The following AGBL1 variants were observed in gnomAD, a reference collection of about 807,000 sequenced individuals.
AGBL1 encodes cytosolic carboxypeptidase 4.
Under a neutral mutation model 118.9 loss-of-function variants are expected in AGBL1, and 130 were observed. The ratio of observed to expected loss-of-function variants is 1.09; its 90% confidence interval spans 0.95 to 1.26. The LOEUF (loss-of-function observed/expected upper bound fraction) is 1.26, where lower values mean the gene tolerates loss of function less well. Ranked by LOEUF, AGBL1 falls within the 50% of genes most tolerant of loss-of-function variation. AGBL1 has a pLI of 0.00. For synonymous variants in AGBL1, 555 were observed against 478.9 expected (o/e 1.16, Z -2.08); for missense variants, 1,584 against 1,298.1 (o/e 1.22, Z -3.38).
intron 22 of AGBL1, among the ~76,000 whole-genome samples, chr15:86,747,533 G>T (rs1039941073): frequency 6.6e-6 from 1 of 152,096 alleles, no homozygotes; most frequent in Admixed American, 6.6e-5. Context: ...CAACGTGCAG[G>T]TTTGTTACAT....
In AGBL1 at chr15:86,158,995, C is replaced by T; in HGVS notation, c.457C>T (p.Pro153Ser). ...AMELLFKVIT[P>S]YTRKRTQAIR... ...GGAACTGCTTTTCAAGGTTATTACT[C>T]CTTACACCCGAAAGCGCACCCAAGC... The change falls in exon 5 of 23, where the codon CCT (proline) becomes TCT (serine). Residue 153 changes from proline to serine, a missense_variant. Transcript: ENST00000614907. 6.2e-7 allele frequency: 1 copy of T among 1,613,348 alleles called. No individual in the cohort carries two copies. The highest frequency in any genetic ancestry group is 8.5e-7 in the Non-Finnish European group (1 of 1,179,424).
chr15:86,465,735 C>T (rs2082395908), intron 18 of AGBL1, among the ~76,000 whole-genome samples: 1 of 152,170 alleles, frequency 6.6e-6, no homozygotes, highest in South Asian at 2.1e-4. Flanking sequence ...TCTAGTCAGA[C>T]TGGTTGTCTG....
At chr15:86,778,921 G>A (rs1016990651) in intron 22 of AGBL1, among the ~76,000 whole-genome samples, 15 of 152,108 alleles carry the variant, frequency 9.9e-5, no homozygotes, top group South Asian at 4.1e-4. Flanking sequence ...AAAGACAGGC[G>A]TAAGAAATTA....
intron 22 of AGBL1, among the ~76,000 whole-genome samples, chr15:86,764,925 C>G (rs955569208): frequency 6.6e-6 from 1 of 151,946 alleles, no homozygotes; most frequent in Admixed American, 6.6e-5. Context: ...AATATTGATC[C>G]TCTGTAATCC....
chr15:86,852,377 G>A (rs1356928899), intron 22 of AGBL1, among the ~76,000 whole-genome samples: 1 of 152,044 alleles, frequency 6.6e-6, no homozygotes, highest in Non-Finnish European at 1.5e-5. Flanking sequence ...TCCCTCCTTC[G>A]ACACATGTGG....
At chr15:86,876,406 G>C (rs1434642128) in intron 22 of AGBL1, among the ~76,000 whole-genome samples, 1 of 152,068 alleles carries the variant, frequency 6.6e-6, no homozygotes, top group Non-Finnish European at 1.5e-5. Context: ...CAGGGGACTG[G>C]AGGTGATACT....
rs909044701 is a variant in AGBL1, at chr15:86,613,596, A to G, written c.2994+59059A>G. Among the ~76,000 whole-genome samples the G allele has an allele frequency of 6.6e-6, 1 of 152,342 alleles. No homozygotes were observed. Among genetic ancestry groups the G allele is most frequent in the African/African-American group, 2.4e-5 (1 of 41,586 alleles). ...GGAAATTACCTGAGCCAGATTTCAG[A>G]TCACAGAAAGTAAGTCACGAGTACT... On this transcript the variant is annotated intron_variant, in intron 21 of 22. Transcript: ENST00000614907. This position sits in a 1 kb window ranked among gnomAD's most constrained non-coding sequence, Gnocchi z 4.2.
In AGBL1 at chr15:86,112,909, T is replaced by C. The variant is rs572929091; in HGVS notation, c.52-29095T>C. On this transcript the variant is annotated intron_variant, in intron 1 of 22. Transcript: ENST00000614907. ...ATTTCTACTTTTGTAAATTGCCTGT[T>C]TATTTCTTTTGGGTAAGGGAAAGTT... 1.2e-4 allele frequency among the ~76,000 whole-genome samples: 19 copies of C among 152,376 alleles called. No individual in the cohort carries two copies. The South Asian group carries it at 3.9e-3, about 32-fold the overall frequency.
intron 18 of AGBL1, among the ~76,000 whole-genome samples, chr15:86,495,123 T>G (rs1409398197): frequency 6.6e-6 from 1 of 151,830 alleles, no homozygotes; most frequent in African/African-American, 2.4e-5. Flanking sequence ...TCTCTCTCTC[T>G]CGCTTTCTTT....
chr15:86,152,744 G>A (rs2077130903), intron 3 of AGBL1, among the ~76,000 whole-genome samples: 1 of 152,160 alleles, frequency 6.6e-6, no homozygotes, highest in South Asian at 2.1e-4. Context: ...CAGAATGGGA[G>A]AAAAATTTTG....
intron 18 of AGBL1, among the ~76,000 whole-genome samples, chr15:86,398,699 A>G (rs1462547212): frequency 1.3e-5 from 2 of 152,176 alleles, no homozygotes; most frequent in Non-Finnish European, 2.9e-5. Flanking sequence ...AATTTTTAAG[A>G]AACAATTTAA....
intron 22 of AGBL1, among the ~76,000 whole-genome samples, chr15:86,719,409 A>G (rs890982011): frequency 6.6e-6 from 1 of 152,196 alleles, no homozygotes; most frequent in Non-Finnish European, 1.5e-5. Flanking sequence ...GAAAACATCC[A>G]CTAATCTAAA....
intron 18 of AGBL1, among the ~76,000 whole-genome samples, chr15:86,439,108 C>A (rs558636322): frequency 6.6e-6 from 1 of 152,008 alleles, no homozygotes; most frequent in African/African-American, 2.4e-5. Flanking sequence ...ATGAGGATGT[C>A]GTAATGGGGC....
At chr15:86,564,490 C>A (rs201999897) in intron 21 of AGBL1, among the ~76,000 whole-genome samples, 1 of 152,132 alleles carries the variant, frequency 6.6e-6, no homozygotes, top group African/African-American at 2.4e-5. Context: ...GAGTTTCTGC[C>A]GAGAGATCTG....
At chr15:86,824,737 C>T (rs1402620056) in intron 22 of AGBL1, among the ~76,000 whole-genome samples, 1 of 152,006 alleles carries the variant, frequency 6.6e-6, no homozygotes, top group Non-Finnish European at 1.5e-5. Flanking sequence ...GGAATAGACA[C>T]ATATAGATCA....
intron 1 of AGBL1, among the ~76,000 whole-genome samples, chr15:86,127,961 T>G (rs992633445): frequency 1.3e-5 from 2 of 152,210 alleles, no homozygotes; most frequent in Admixed American, 1.3e-4. Flanking sequence ...CTTTAGGACC[T>G]TCTATGAATT....
intron 21 of AGBL1, among the ~76,000 whole-genome samples, chr15:86,598,063 T>A (rs2084436726): frequency 6.6e-6 from 1 of 152,130 alleles, no homozygotes; most frequent in African/African-American, 2.4e-5. Flanking sequence ...TGTCTGTAAA[T>A]TTGGTCTCTT....
chr15:86,849,312 C>T (rs1307456304), intron 22 of AGBL1, among the ~76,000 whole-genome samples: 6 of 152,194 alleles, frequency 3.9e-5, no homozygotes, highest in Admixed American at 3.9e-4. Context: ...GTTCCTCTGG[C>T]TGCTGAAGCG....
intron 18 of AGBL1, among the ~76,000 whole-genome samples, chr15:86,516,187 T>C (rs2083118600): frequency 6.6e-6 from 1 of 152,152 alleles, no homozygotes; most frequent in African/African-American, 2.4e-5. Context: ...TGCATTTGTC[T>C]CAGGTGAACG....
Sources: gnomAD v4.1 joint callset for allele counts (sites outside exome capture counted in the v4.1 genomes callset) on GRCh38, gnomAD v4.1.1 for gene constraint, Gnocchi (gnomAD v3.1) non-coding constraint, MANE v1.5 for transcripts, NCBI Gene and HGNC (gene_info 2026-07-23, HGNC 2026-07-21) for gene names.